Variants in MTFR1 observed in about 807,000 individuals in gnomAD.
MTFR1 encodes mitochondrial fission regulator 1.
Under a neutral mutation model 38.8 loss-of-function variants are expected in MTFR1, and 28 were observed. That is an observed-to-expected ratio of 0.72 (90% CI 0.53 to 0.99). MTFR1 has a LOEUF of 0.99. MTFR1 is among the 50% of genes least tolerant of loss of function. MTFR1 has a pLI of 0.00. For synonymous variants in MTFR1, 145 were observed against 137.0 expected (o/e 1.06, Z -0.41); for missense variants, 358 against 395.5 (o/e 0.91, Z 0.81).
chr8:65,666,508 C>T (rs545324222), intron 1 of MTFR1, among the ~76,000 whole-genome samples: 25 of 152,310 alleles, frequency 1.6e-4, no homozygotes, highest in Admixed American at 2.6e-4. Context: ...CACAGACTTA[C>T]AGAAACATCT....
At chr8:65,749,457 T>A (rs930907186) in intron 3 of MTFR1, among the ~76,000 whole-genome samples, 1 of 152,202 alleles carries the variant, frequency 6.6e-6, no homozygotes, top group African/African-American at 2.4e-5. Context: ...CAATTATGAA[T>A]CTTAAATTTC....
At chr8:65,739,856 A>AT (rs1346800998) in intron 3 of MTFR1, among the ~76,000 whole-genome samples, 1 of 152,168 alleles carries the variant, frequency 6.6e-6, no homozygotes, top group African/African-American at 2.4e-5. Context: ...AAATAGATTA[A>AT]TTTTTTAAAG....
intron 3 of MTFR1, chr8:65,719,702 A>G: frequency 1.8e-6 from 1 of 561,444 alleles, no homozygotes; most frequent in Admixed American, 3.0e-5. Context: ...ACTCAATGGA[A>G]ATTTGAGTAA....
intron 2 of MTFR1, among the ~76,000 whole-genome samples, chr8:65,676,212 T>G (rs1015785963): frequency 4.6e-5 from 7 of 152,232 alleles, no homozygotes; most frequent in African/African-American, 1.7e-4. Context: ...TACATTTTGT[T>G]GGGTCCTAAC....
intron 1 of MTFR1, among the ~76,000 whole-genome samples, chr8:65,655,968 A>AT (rs1563432895): frequency 3.5e-4 from 7 of 19,788 alleles, no homozygotes; most frequent in South Asian, 1.0e-3. Context: ...ATATATATAT[A>AT]CCATATATAT....
At chr8:65,704,092 TA>T (rs1272321376) in intron 4 of MTFR1, among the ~76,000 whole-genome samples, 1 of 152,164 alleles carries the variant, frequency 6.6e-6, no homozygotes, top group East Asian at 1.9e-4. Context: ...TTTGAGCCCA[TA>T]AATATTAAAG....
intron 2 of MTFR1, among the ~76,000 whole-genome samples, chr8:65,671,424 A>G (rs1804565993): frequency 6.6e-6 from 1 of 151,284 alleles, no homozygotes; most frequent in Admixed American, 6.6e-5. Flanking sequence ...AGTCCCAGCT[A>G]TTCGGGAGGC....
chr8:65,739,369 G>T, intron 3 of MTFR1: 1 of 995,376 alleles, frequency 1.0e-6, no homozygotes, highest in Non-Finnish European at 1.4e-6. Flanking sequence ...AAATAACTGT[G>T]TGTTGTTTTA....
At chr8:65,662,096 CTTT>C (rs1563435830) in intron 1 of MTFR1, among the ~76,000 whole-genome samples, 1 of 94,910 alleles carries the variant, frequency 1.1e-5, no homozygotes, top group Non-Finnish European at 2.4e-5. Flanking sequence ...CTCTCCCTCT[CTTT>C]CCACAGTCTC....
chr8:65,711,351 A>G (rs952330020), downstream of MTFR1, among the ~76,000 whole-genome samples: 3 of 152,026 alleles, frequency 2.0e-5, no homozygotes, highest in Non-Finnish European at 2.9e-5. Flanking sequence ...TACACGTGGT[A>G]ATAACTAGCA....
At chr8:65,734,969 G>A (rs1372175475) in intron 3 of MTFR1, 13 of 927,982 alleles carry the variant, frequency 1.4e-5, no homozygotes, top group Non-Finnish European at 2.3e-5. Flanking sequence ...TGATAATTAT[G>A]AGTTACCCAC....
At chr8:65,724,653 G>A (rs1204873622) in intron 3 of MTFR1, 12 of 838,062 alleles carry the variant, frequency 1.4e-5, no homozygotes, top group East Asian at 2.6e-5. Context: ...GCTAATTGAA[G>A]GAAATTCTTT....
At chr8:65,679,725 T>C (rs1046129965) in intron 2 of MTFR1, 28 of 152,238 alleles carry the variant, frequency 1.8e-4, no homozygotes, top group African/African-American at 6.5e-4. Flanking sequence ...TAGTCTGATG[T>C]TGACATTGTA....
chr8:65,655,441 G>A (rs552661091), intron 1 of MTFR1, among the ~76,000 whole-genome samples: 22 of 152,246 alleles, frequency 1.4e-4, no homozygotes, highest in South Asian at 4.1e-4. Context: ...ACATATGTCC[G>A]ATCCTGTGCT....
chr8:65,772,944 G>A (rs982254969), downstream of MTFR1, among the ~76,000 whole-genome samples: 1 of 152,118 alleles, frequency 6.6e-6, no homozygotes, highest in Non-Finnish European at 1.5e-5. Context: ...GGAGACGGAG[G>A]CTGCAGTGAG....
At chr8:65,686,496 C>A (rs1361886909) in intron 3 of MTFR1, among the ~76,000 whole-genome samples, 2 of 144,816 alleles carry the variant, frequency 1.4e-5, no homozygotes, top group Admixed American at 1.5e-4. Context: ...CAGCTTGATT[C>A]TTGAACCTGG....
chr8:65,707,313 AC>A, intron 6 of MTFR1, 57 bp downstream of exon 6: 2 of 1,547,154 alleles, frequency 1.3e-6, no homozygotes, highest in Non-Finnish European at 1.7e-6. Flanking sequence ...AAACCAAAGT[AC>A]CAGGCTTCTT....
At chr8:65,728,149 C>T (rs969549249) in intron 3 of MTFR1, 3 of 152,130 alleles carry the variant, frequency 2.0e-5, no homozygotes, top group African/African-American at 2.4e-5. Flanking sequence ...TTTAGGTTTA[C>T]GTTAGGACAG....
intron 3 of MTFR1, among the ~76,000 whole-genome samples, chr8:65,744,052 T>A (rs1807561355): frequency 6.6e-6 from 1 of 152,148 alleles, no homozygotes; most frequent in Admixed American, 6.5e-5. Context: ...AGGCTGGTCT[T>A]AAACTCCTGA....
Sources: gnomAD v4.1 joint callset for allele counts (sites outside exome capture counted in the v4.1 genomes callset) on GRCh38, gnomAD v4.1.1 for gene constraint, MANE v1.5 for transcripts, NCBI Gene and HGNC (gene_info 2026-07-23, HGNC 2026-07-21) for gene names.